The following GPBP1 variants were observed in gnomAD, a reference collection of about 807,000 sequenced individuals.
GPBP1 encodes vasculin.
In GPBP1, 13 loss-of-function variants were observed where a neutral mutation model predicts 56.5. That is an observed-to-expected ratio of 0.23 (90% CI 0.15 to 0.37). The LOEUF (loss-of-function observed/expected upper bound fraction) is 0.37. Ranked by LOEUF, GPBP1 falls within the 10% of genes least tolerant of loss-of-function variation. The pLI, the probability that GPBP1 is intolerant of heterozygous loss-of-function variation, is 1.00. For synonymous variants in GPBP1, 204 were observed against 188.9 expected, an observed-to-expected ratio of 1.08 and a Z score of -0.66; for missense variants, 477 against 572.3, an observed-to-expected ratio of 0.83 and a Z score of 1.70.
intron 3 of GPBP1, among the ~76,000 whole-genome samples, chr5:57,219,111 C>CA (rs1755817868): frequency 1.3e-5 from 2 of 152,018 alleles, no homozygotes; most frequent in Non-Finnish European, 2.9e-5. Flanking sequence ...CGTGGTGACT[C>CA]ACGTCTGTAA....
intron 3 of GPBP1, among the ~76,000 whole-genome samples, chr5:57,219,388 AAAAAAAAAAAAAAAAC>A (rs1755834180): frequency 5.2e-5 from 3 of 57,976 alleles, no homozygotes; most frequent in African/African-American, 2.7e-4. Flanking sequence ...AAAAAAAAAA[AAAAAAAAAAAAAAAAC>A]CAAAAACAAA....
intron 3 of GPBP1, among the ~76,000 whole-genome samples, chr5:57,224,686 A>T (rs1227456861): frequency 6.6e-6 from 1 of 152,062 alleles, no homozygotes. Flanking sequence ...AAGCACTGGG[A>T]TTATAGGCGT....
chr5:57,201,535 C>T (rs985100431), intron 2 of GPBP1, among the ~76,000 whole-genome samples: 3 of 152,146 alleles, frequency 2.0e-5, no homozygotes, highest in Admixed American at 6.5e-5. Context: ...TATTTTTGTC[C>T]ATGTTGAACT....
intron 3 of GPBP1, among the ~76,000 whole-genome samples, chr5:57,224,630 G>C (rs1430997563): frequency 6.6e-6 from 1 of 152,016 alleles, no homozygotes; most frequent in African/African-American, 2.4e-5. Context: ...GTAGAGATGG[G>C]GTCTTGCTAT....
rs1055529617 is a variant in GPBP1, at chr5:57,261,408, A to G, written c.1263+126A>G. The G allele has an allele frequency of 6.8e-6, 4 of 590,618 alleles. No individual in the cohort carries two copies. The Admixed American group carries it at 9.2e-5, about 14-fold the overall frequency. The allele number at this position is 590,618 out of a possible 1,614,324, so 36.6% of individuals were successfully genotyped here. A position where few individuals can be genotyped will look rare whatever the true frequency, so the allele number is the denominator to read the frequency against. On this transcript the variant is annotated intron_variant, in intron 11 of 11. Coordinates refer to ENST00000506184, the MANE Select transcript of GPBP1 (RefSeq NM_022913.4). ...CACGATAGGTCAGAATTGCTTTTAA[A>G]AAAAAAAAGAGGGAGGACAGGCTTT...
At chr5:57,246,198 A>T (rs1027566736) in intron 6 of GPBP1, 102 bp from the exon 7 acceptor site, 9 of 80,374 alleles carry the variant, frequency 1.1e-4, no homozygotes, top group South Asian at 7.4e-4. Flanking sequence ...GCTGTTAGTT[A>T]AAAAAAAAAA....
intron 3 of GPBP1, among the ~76,000 whole-genome samples, chr5:57,224,330 C>A (rs937820981): frequency 1.3e-5 from 2 of 151,590 alleles, no homozygotes; most frequent in Non-Finnish European, 2.9e-5. Context: ...GCAGCCTTTG[C>A]CTCCCAGGTT....
In GPBP1 at chr5:57,262,809, G is replaced by A. The variant is rs1440398166; in HGVS notation, c.*57G>A. 12 of 1,454,658 alleles carry A rather than the reference G, an allele frequency of 8.2e-6. No individual in the cohort carries two copies. Among genetic ancestry groups the A allele is most frequent in the Non-Finnish European group, 1.1e-5 (12 of 1,059,878 alleles). 90.1% of individuals were successfully genotyped at this position (1,454,658 alleles called of 1,614,324 possible). On this transcript the variant is annotated 3_prime_UTR_variant, in exon 12 of 12. Coordinates refer to ENST00000506184, the MANE Select transcript of GPBP1 (RefSeq NM_022913.4). ...GTGATACATCTCTCATACAGTTTGG[G>A]GTGAATTGTAAAAATGAAGAACTAT...
intron 2 of GPBP1, among the ~76,000 whole-genome samples, chr5:57,206,213 A>G (rs193273623): frequency 8.9e-4 from 136 of 152,162 alleles, no homozygotes; most frequent in Middle Eastern, 3.4e-3. Flanking sequence ...TATTTTTTGC[A>G]CATGTTTTAA....
At chr5:57,206,084 TGA>T (rs1027985981) in intron 2 of GPBP1, among the ~76,000 whole-genome samples, 39 of 152,238 alleles carry the variant, frequency 2.6e-4, no homozygotes, top group African/African-American at 9.4e-4. Flanking sequence ...ATTTTAAAAT[TGA>T]GTTGTCTGTT....
chr5:57,234,730 T>C (rs1684433990), intron 5 of GPBP1, among the ~76,000 whole-genome samples: 2 of 152,144 alleles, frequency 1.3e-5, no homozygotes, highest in Admixed American at 1.3e-4. Flanking sequence ...AATCACTGGC[T>C]CTGAGATACA....
At chr5:57,179,868 A>C (rs994652849) in intron 2 of GPBP1, among the ~76,000 whole-genome samples, 2 of 152,074 alleles carry the variant, frequency 1.3e-5, no homozygotes, top group Non-Finnish European at 2.9e-5. Context: ...ATATGCTGGG[A>C]TTATGGGTGA....
intron 2 of GPBP1, among the ~76,000 whole-genome samples, chr5:57,187,760 G>A (rs2111614988): frequency 6.6e-6 from 1 of 151,648 alleles, no homozygotes; most frequent in East Asian, 1.9e-4. Flanking sequence ...TACAGACAGT[G>A]GTGTTGTGGC....
At chr5:57,191,708 C>T (rs1417374606) in intron 2 of GPBP1, among the ~76,000 whole-genome samples, 4 of 151,996 alleles carry the variant, frequency 2.6e-5, no homozygotes, top group Admixed American at 1.3e-4. Flanking sequence ...ACTACAGATG[C>T]GCATCACCAC....
At chr5:57,178,196 G>T (rs2111699468) in intron 2 of GPBP1, among the ~76,000 whole-genome samples, 1 of 152,240 alleles carries the variant, frequency 6.6e-6, no homozygotes, top group South Asian at 2.1e-4. Context: ...AAGTTGAACT[G>T]GAGTCAAACG....
intron 2 of GPBP1, among the ~76,000 whole-genome samples, chr5:57,187,029 TG>T (rs1404621243): frequency 1.3e-5 from 2 of 151,970 alleles, no homozygotes; most frequent in African/African-American, 2.4e-5. Flanking sequence ...TGTGTGTGTG[TG>T]TGTGTGTGTA....
chr5:57,202,480 G>T (rs1477570429), intron 2 of GPBP1, among the ~76,000 whole-genome samples: 1 of 151,998 alleles, frequency 6.6e-6, no homozygotes, highest in African/African-American at 2.4e-5. Flanking sequence ...GTAGACTCAG[G>T]GTTTCACCAT....
intron 6 of GPBP1, among the ~76,000 whole-genome samples, chr5:57,239,894 G>A (rs1009791030): frequency 1.3e-5 from 2 of 152,048 alleles, no homozygotes; most frequent in Non-Finnish European, 2.9e-5. Flanking sequence ...TGTTTAAATT[G>A]CTGCCTTATA....
At chr5:57,202,867 A>G (rs140690863) in intron 2 of GPBP1, among the ~76,000 whole-genome samples, 52 of 152,310 alleles carry the variant, frequency 3.4e-4, no homozygotes, top group African/African-American at 1.1e-3. Context: ...TTTTATCCCA[A>G]TGAGTTCATA....
Sources: allele counts gnomAD v4.1 joint callset (sites outside exome capture counted in the v4.1 genomes callset), GRCh38; gene constraint gnomAD v4.1.1; transcripts MANE v1.5; gene names NCBI Gene and HGNC (gene_info 2026-07-23, HGNC 2026-07-21).